The following LSM12 variants were observed in gnomAD, a reference collection of about 807,000 sequenced individuals.
LSM12 encodes protein LSM12.
For synonymous variants in LSM12, 74 were observed against 87.3 expected (o/e 0.85, Z 0.85); for missense variants, 108 against 238.9 (o/e 0.45, Z 3.61).
intron 1 of LSM12, 127 bp from the exon 2 acceptor site, chr17:44,064,061 A>C (rs557794447): frequency 9.9e-7 from 1 of 1,007,996 alleles, no homozygotes; most frequent in East Asian, 2.6e-5. Context: ...TGAGGGCCTT[A>C]TAAGAATCAC....
intron 2 of LSM12, among the ~76,000 whole-genome samples, chr17:44,061,070 C>G (rs189051): frequency 0.43 from 65,177 of 151,984 alleles, 15,221 homozygotes; most frequent in Middle Eastern, 0.6. Context: ...GTAATTCCAG[C>G]ACTTTGGGAG....
intron 2 of LSM12, among the ~76,000 whole-genome samples, chr17:44,047,198 T>C (rs993180310): frequency 2.6e-5 from 4 of 152,214 alleles, no homozygotes; most frequent in African/African-American, 9.6e-5. Flanking sequence ...TTATTTGTAA[T>C]TACTGTATCT....
intron 2 of LSM12, among the ~76,000 whole-genome samples, chr17:44,050,466 A>G (rs1015616293): frequency 3.3e-5 from 5 of 151,584 alleles, no homozygotes; most frequent in African/African-American, 1.2e-4. Flanking sequence ...TCTTCTGAAT[A>G]TCAGCATCCC....
chr17:44,065,827 C>T (rs2049865867), intron 1 of LSM12, among the ~76,000 whole-genome samples: 1 of 152,104 alleles, frequency 6.6e-6, no homozygotes, highest in South Asian at 2.1e-4. Flanking sequence ...TAAACAGCAA[C>T]TTCCAAATGA....
intron 1 of LSM12, among the ~76,000 whole-genome samples, chr17:44,064,719 C>A (rs1392649771): frequency 1.4e-5 from 2 of 142,174 alleles, no homozygotes; most frequent in East Asian, 4.2e-4. Context: ...GGTGACAGAG[C>A]GAGACTCCGT....
Position 44,037,397 on chromosome 17 carries a change from G to A in LSM12, c.495+15C>T. 6.3e-6 allele frequency: 10 copies of A among 1,576,080 alleles called. No homozygotes were observed. The highest frequency in any genetic ancestry group is 8.6e-6 in the Non-Finnish European group (10 of 1,164,938). On this transcript the variant is annotated intron_variant, in intron 4 of 4. Coordinates refer to ENST00000293406, the MANE Select transcript of LSM12 (RefSeq NM_001371445.1). Reference sequence around the variant, plus strand: ...CATCCTCTCTCCCCTAAAGTCTGAAGGCTCCTTTACTTACTATTTTGCGTA... The same window carrying A: ...CATCCTCTCTCCCCTAAAGTCTGAAAGCTCCTTTACTTACTATTTTGCGTA...
At chr17:44,042,516 C>T (rs2049507822) in intron 2 of LSM12, among the ~76,000 whole-genome samples, 1 of 151,354 alleles carries the variant, frequency 6.6e-6, no homozygotes. Context: ...TCTCCTGTCT[C>T]AGCCTCCAGA....
chr17:44,049,685 T>A (rs1170328741), intron 2 of LSM12, among the ~76,000 whole-genome samples: 1 of 152,204 alleles, frequency 6.6e-6, no homozygotes, highest in African/African-American at 2.4e-5. Flanking sequence ...ATGCACTTCA[T>A]CTTGTTATTC....
At chr17:44,064,958 C>A (rs2049851314) in intron 1 of LSM12, among the ~76,000 whole-genome samples, 1 of 151,658 alleles carries the variant, frequency 6.6e-6, no homozygotes, top group Admixed American at 6.6e-5. Flanking sequence ...ACGGTGAAAC[C>A]CCGTCTCTAC....
intron 2 of LSM12, among the ~76,000 whole-genome samples, chr17:44,058,029 G>C (rs1208384894): frequency 6.6e-6 from 1 of 151,902 alleles, no homozygotes; most frequent in East Asian, 1.9e-4. Flanking sequence ...GAGGTCAGGA[G>C]ATTGAGACCA....
intron 2 of LSM12, among the ~76,000 whole-genome samples, chr17:44,050,988 G>C (rs544204790): frequency 6.6e-6 from 1 of 152,072 alleles, no homozygotes; most frequent in Admixed American, 6.5e-5. Flanking sequence ...CAAATTAGCT[G>C]GGGGGCTGGA....
intron 2 of LSM12, among the ~76,000 whole-genome samples, chr17:44,042,706 A>C (rs1449433031): frequency 1.3e-5 from 2 of 152,138 alleles, no homozygotes; most frequent in Non-Finnish European, 2.9e-5. Flanking sequence ...CTGGGACTAC[A>C]GGCGCCTGCC....
In LSM12 at chr17:44,045,992, A is replaced by G. The variant is rs191149047; in HGVS notation, c.259-5736T>C. On this transcript the variant is annotated intron_variant, in intron 2 of 4. Coordinates refer to ENST00000293406, the MANE Select transcript of LSM12 (RefSeq NM_001371445.1). ...CGCTCTGTCTCCCAGGTTGGAGTGC[A>G]GTGGCGCGATCTTGGCTCACTGCAA... is the stretch of plus-strand genomic sequence containing the variant. Among the ~76,000 whole-genome samples the G allele has an allele frequency of 2.0e-3, 273 of 139,488 alleles. 1 individual carries two copies. Among genetic ancestry groups the G allele is most frequent in the Admixed American group, 4.0e-3 (52 of 12,852 alleles). 91.5% of individuals were successfully genotyped at this position (139,488 alleles called of 152,430 possible).
intron 2 of LSM12, among the ~76,000 whole-genome samples, chr17:44,042,381 C>T (rs1360817380): frequency 6.6e-6 from 1 of 152,114 alleles, no homozygotes; most frequent in African/African-American, 2.4e-5. Context: ...TTACAGTGAT[C>T]CATCAAACCA....
At chr17:44,038,511 T>C (rs1413046715) in intron 3 of LSM12, among the ~76,000 whole-genome samples, 6 of 151,844 alleles carry the variant, frequency 4.0e-5, no homozygotes, top group Admixed American at 6.6e-5. Flanking sequence ...AAAAATTAGC[T>C]GGGCGTGGGA....
chr17:44,061,526 T>C (rs1489573313), intron 2 of LSM12, among the ~76,000 whole-genome samples: 1 of 152,210 alleles, frequency 6.6e-6, no homozygotes. Context: ...AATCTGTCCC[T>C]GGCCATCACT....
chr17:44,058,396 TCTTTA>T (rs1160415060), intron 2 of LSM12, among the ~76,000 whole-genome samples: 1 of 152,092 alleles, frequency 6.6e-6, no homozygotes, highest in Non-Finnish European at 1.5e-5. Context: ...TAGATGTTTT[TCTTTA>T]CTTAGAAACG....
At chr17:44,041,273 TAAAAAAAAA>T (rs11302122) in intron 2 of LSM12, among the ~76,000 whole-genome samples, 2,134 of 110,234 alleles carry the variant, frequency 0.019, 50 homozygotes, top group Middle Eastern at 0.071. Context: ...TCTGTCTCTT[TAAAAAAAAA>T]AAAAACAAAC....
At chr17:44,036,487 A>T (rs917714455) in intron 4 of LSM12, among the ~76,000 whole-genome samples, 187 bp from the exon 5 acceptor site, 1 of 152,072 alleles carries the variant, frequency 6.6e-6, no homozygotes, top group Non-Finnish European at 1.5e-5. Flanking sequence ...CTTCAGCCAC[A>T]TTTTTTTGCA....
Sources: allele counts gnomAD v4.1 joint callset (sites outside exome capture counted in the v4.1 genomes callset), GRCh38; gene constraint gnomAD v4.1.1; transcripts MANE v1.5; gene names NCBI Gene and HGNC (gene_info 2026-07-23, HGNC 2026-07-21).